The following RIMS3 variants were observed in gnomAD, a reference collection of about 807,000 sequenced individuals.
RIMS3 encodes regulating synaptic membrane exocytosis 3, also known as regulating synaptic membrane exocytosis protein 3.
In RIMS3, 15 loss-of-function variants were observed where a neutral mutation model predicts 29.2. That is an observed-to-expected ratio of 0.51 (90% confidence interval 0.34 to 0.79). The LOEUF (loss-of-function observed/expected upper bound fraction) is 0.79. Among genes scored for constraint, RIMS3 ranks in the 30% least tolerant of loss-of-function variants. The pLI is 0.01. For synonymous variants in RIMS3, 161 were observed against 170.1 expected (o/e 0.95, Z 0.41); for missense variants, 342 against 421.4 (o/e 0.81, Z 1.65).
Position 40,641,764 on chromosome 1 carries a change from C to T in RIMS3, c.162G>A (p.Val54=). Reference sequence around the variant, plus strand: ...TCCACTGAGTCAGGCCCACGATGGCCACCATCTTGGCACCCAGGCTGCTCC... The same window carrying T: ...TCCACTGAGTCAGGCCCACGATGGCTACCATCTTGGCACCCAGGCTGCTCC... ...KRRSSLGAKM[V]AIVGLTQWSK... The change falls in exon 3 of 8, where the codon GTG becomes GTA. Residue 54 remains valine (V), a synonymous_variant. Coordinates refer to ENST00000372684, the MANE Select transcript of RIMS3 (RefSeq NM_014747.3). The T allele has an allele frequency of 6.2e-7, 1 of 1,613,886 alleles. No homozygotes were observed. Among genetic ancestry groups the T allele is most frequent in the Non-Finnish European group, 8.5e-7 (1 of 1,179,810 alleles).
rs1160692877 is a variant in RIMS3 at position 40,635,716 on chromosome 1, A to G, written c.359+200T>C. Among the ~76,000 whole-genome samples, 3 of 152,206 alleles carry G rather than the reference A, an allele frequency of 2.0e-5. No individual in the cohort carries two copies. Among genetic ancestry groups the G allele is most frequent in the African/African-American group, 7.2e-5 (3 of 41,448 alleles). On this transcript the variant is annotated intron_variant, in intron 4 of 7. Coordinates refer to ENST00000372684, the MANE Select transcript of RIMS3 (RefSeq NM_014747.3). This position sits in a 1 kb window ranked among gnomAD's most constrained non-coding sequence, Gnocchi z 4.1. ...GAACTGATAGCTCCTGGGTATCTGGATATTCCAATGGGAGCAATGGAAGAC... is the reference window on the plus strand; with the variant it reads ...GAACTGATAGCTCCTGGGTATCTGGGTATTCCAATGGGAGCAATGGAAGAC...
At chr1:40,630,065 C>A (rs1468189692) in intron 5 of RIMS3, among the ~76,000 whole-genome samples, 1 of 97,708 alleles carries the variant, frequency 1.0e-5, no homozygotes. Context: ...AGGAAGACTC[C>A]GTCTCAAAAA....
chr1:40,645,571 T>C (rs1386360132), intron 2 of RIMS3, among the ~76,000 whole-genome samples: 2 of 152,132 alleles, frequency 1.3e-5, no homozygotes, highest in Non-Finnish European at 2.9e-5. Flanking sequence ...AAAGTGTCTA[T>C]ATGAGAAAAG....
chr1:40,677,875 C>A, the RIMS3 span, among the ~76,000 whole-genome samples: 1 of 152,136 alleles, frequency 6.6e-6, no homozygotes, highest in Non-Finnish European at 1.5e-5. Context: ...AGGGATCATT[C>A]ATAATCTTAA....
Position 40,641,875 on chromosome 1 carries a change from C to T in RIMS3, c.51G>A (p.Val17=). The change falls in exon 3 of 8, where the codon GTG becomes GTA. Residue 17 remains valine, a synonymous_variant. Transcript: ENST00000372684. The stretch of plus-strand genomic sequence containing the variant: ...CACCGCTAATGCTGGAGCTCCGCAC[C>T]ACATTCCTGGAGGCCCCAGATGAGG... ...GPASSGASRN[V]VRSSSISGEI... The T allele has an allele frequency of 6.2e-7, 1 of 1,613,700 alleles. No homozygotes were observed.
rs11809199 is a variant in RIMS3, at chr1:40,654,071, C to T, written c.-206-6229G>A. On this transcript the variant is annotated intron_variant, in intron 1 of 7. Transcript: ENST00000372684. The surrounding 1 kb of genome is among the most constrained non-coding windows in gnomAD (Gnocchi z 5.3). Reference sequence around the variant, plus strand: ...CCTCCCACACCCTCGCTGGGGGAGACACGGCAGTACCACGGACAGCGGCTG... The same window carrying T: ...CCTCCCACACCCTCGCTGGGGGAGATACGGCAGTACCACGGACAGCGGCTG... Among the ~76,000 whole-genome samples the T allele has an allele frequency of 1.2e-3, 187 of 151,996 alleles. 3 individuals are homozygous for T. Among genetic ancestry groups the T allele is most frequent in the African/African-American group, 4.4e-3 (184 of 41,420 alleles).
chr1:40,646,523 G>A (rs528992), intron 2 of RIMS3, among the ~76,000 whole-genome samples: 21,216 of 152,010 alleles, frequency 0.14, 1,670 homozygotes, highest in African/African-American at 0.2. Context: ...TCATGGCACC[G>A]CAGGGAAGGA....
intron 1 of RIMS3, among the ~76,000 whole-genome samples, chr1:40,650,255 A>G (rs1167277913): frequency 2.6e-5 from 4 of 152,206 alleles, no homozygotes; most frequent in Non-Finnish European, 4.4e-5. Context: ...GGACAGGGTC[A>G]CCATGGGCCT....
intron 1 of RIMS3, among the ~76,000 whole-genome samples, chr1:40,650,481 T>G (rs534373479): frequency 6.6e-6 from 1 of 152,322 alleles, no homozygotes; most frequent in South Asian, 2.1e-4. Context: ...AACTGGGGAC[T>G]GTCTTCCTCT....
chr1:40,665,791 G>T, upstream of RIMS3: 1 of 152,940 alleles, frequency 6.5e-6, no homozygotes, highest in South Asian at 1.9e-4. Context: ...CGGGGCCTAG[G>T]GGAATCCGGG....
the RIMS3 span, among the ~76,000 whole-genome samples, chr1:40,682,739 A>ATATTTTTTTTTTTTT: frequency 2.2e-5 from 1 of 46,488 alleles, no homozygotes; most frequent in Non-Finnish European, 4.4e-5. Flanking sequence ...CCCTTTGCAG[A>ATATTTTTTTTTTTTT]TCTTTTTTTT....
intron 3 of RIMS3, among the ~76,000 whole-genome samples, chr1:40,640,650 A>G (rs1646549804): frequency 6.6e-6 from 1 of 152,096 alleles, no homozygotes; most frequent in Admixed American, 6.5e-5. Flanking sequence ...CTGATACCAC[A>G]AAGTGAGGAG....
chr1:40,665,862 G>C (rs1642419406), upstream of RIMS3, among the ~76,000 whole-genome samples: 1 of 152,172 alleles, frequency 6.6e-6, no homozygotes, highest in Non-Finnish European at 1.5e-5. Flanking sequence ...CAAGAAGCGG[G>C]GTCTGGGGAA....
At chr1:40,650,135 G>C (rs886445554) in intron 1 of RIMS3, among the ~76,000 whole-genome samples, 2 of 152,162 alleles carry the variant, frequency 1.3e-5, no homozygotes, top group African/African-American at 4.8e-5. Flanking sequence ...GAACACACAA[G>C]GGTAAGGCAG....
At chr1:40,647,888 C>T (rs1426823852) in intron 1 of RIMS3, 46 bp from the exon 2 acceptor site, 1 of 152,246 alleles carries the variant, frequency 6.6e-6, no homozygotes, top group Non-Finnish European at 1.5e-5. Context: ...GGTAAAGCAT[C>T]TACCCTCAAG....
chr1:40,657,091 T>A lies in RIMS3; in HGVS notation c.-207+8303A>T, dbSNP rs571736433. Among the ~76,000 whole-genome samples, 3 of 152,310 alleles carry A rather than the reference T, an allele frequency of 2.0e-5. No homozygotes were observed. The South Asian group carries it at 6.2e-4, about 32-fold the overall frequency. On this transcript the variant is annotated intron_variant, in intron 1 of 7. Coordinates refer to ENST00000372684, the MANE Select transcript of RIMS3 (RefSeq NM_014747.3). ...TCACAAATTGTCATAACGGCCACCA[T>A]CTAATATGAGCCTCAGAGCAGGAAT...
upstream of RIMS3, among the ~76,000 whole-genome samples, chr1:40,667,245 T>C (rs1642438195): frequency 1.3e-5 from 2 of 152,124 alleles, no homozygotes; most frequent in South Asian, 4.1e-4. Flanking sequence ...TATTTACATA[T>C]TAATTAAAGC....
chr1:40,649,205 ACG>A (rs991954181), intron 1 of RIMS3, among the ~76,000 whole-genome samples: 14 of 148,160 alleles, frequency 9.4e-5, no homozygotes, highest in African/African-American at 3.6e-4. Context: ...ACACACACAC[ACG>A]TGCACACACA....
the RIMS3 span, among the ~76,000 whole-genome samples, chr1:40,677,153 C>G: frequency 6.6e-6 from 1 of 151,888 alleles, no homozygotes; most frequent in Non-Finnish European, 1.5e-5. Flanking sequence ...TGTGCACCAC[C>G]ATGCCCAGCT....
Sources: gnomAD v4.1 joint callset for allele counts (sites outside exome capture counted in the v4.1 genomes callset) on GRCh38, gnomAD v4.1.1 for gene constraint, Gnocchi (gnomAD v3.1) non-coding constraint, MANE v1.5 for transcripts, NCBI Gene and HGNC (gene_info 2026-07-23, HGNC 2026-07-21) for gene names.